The following WIPF3 variants were observed in gnomAD, a reference collection of about 807,000 sequenced individuals.
WIPF3 encodes the protein WAS/WASL interacting protein family member 3.
In WIPF3, 33 loss-of-function variants were observed where a neutral mutation model predicts 38.9. The observed-to-expected ratio is 0.85, with a 90% CI of 0.64 to 1.14. The LOEUF is 1.14. WIPF3 is among the 50% of genes most tolerant of loss of function. WIPF3 has a pLI of 0.00. For missense variants in WIPF3, 711 were observed against 652.5 expected (o/e 1.09, Z -0.98); for synonymous variants, 324 against 269.3 (o/e 1.20, Z -1.99).
intron 2 of WIPF3, among the ~76,000 whole-genome samples, chr7:29,836,187 A>G (rs1194913873): frequency 6.6e-6 from 1 of 152,234 alleles, no homozygotes; most frequent in Non-Finnish European, 1.5e-5. Context: ...AATTTGACCC[A>G]AAGTCAAATT....
rs561803737 is a variant in WIPF3, at chr7:29,867,543, GC to G, written c.91-8282del. Among the ~76,000 whole-genome samples the G allele has an allele frequency of 1.3e-4, 19 of 146,522 alleles. No individual in the cohort carries two copies. The South Asian group carries it at 4.1e-3, about 32-fold the overall frequency. On this transcript the variant is annotated intron_variant, in intron 2 of 8. Coordinates refer to ENST00000242140, the MANE Select transcript of WIPF3 (RefSeq NM_001080529.3). Reference sequence around the variant, plus strand: ...TGCCATGCCCTTGACTCCTGGCTCTGCCCCCGCCCCCTCCACACCCCAGCTT... The same window carrying G: ...TGCCATGCCCTTGACTCCTGGCTCTGCCCCGCCCCCTCCACACCCCAGCTT...
At chr7:29,896,777 T>C (rs1446966927) in intron 7 of WIPF3, among the ~76,000 whole-genome samples, 1 of 152,224 alleles carries the variant, frequency 6.6e-6, no homozygotes, top group Non-Finnish European at 1.5e-5. Context: ...GAACAAAAAC[T>C]GTCAGTAGGA....
chr7:29,863,925 G>C (rs79701375), intron 2 of WIPF3, among the ~76,000 whole-genome samples: 1,636 of 152,216 alleles, frequency 0.011, 34 homozygotes, highest in African/African-American at 0.038. Flanking sequence ...TGACTAAATT[G>C]ACTTATCAGT....
intron 2 of WIPF3, among the ~76,000 whole-genome samples, chr7:29,853,521 G>T (rs1431759095): frequency 6.6e-6 from 1 of 152,242 alleles, no homozygotes; most frequent in African/African-American, 2.4e-5. Flanking sequence ...AGGGCAGTCA[G>T]TATTAGGAGA....
intron 7 of WIPF3, among the ~76,000 whole-genome samples, chr7:29,892,491 C>T (rs531377222): frequency 5.9e-5 from 9 of 152,224 alleles, no homozygotes; most frequent in Non-Finnish European, 1.0e-4. Flanking sequence ...GTTCCAGGGC[C>T]GTCATGGACC....
intron 8 of WIPF3, among the ~76,000 whole-genome samples, chr7:29,911,264 C>G (rs758791346): frequency 5.9e-5 from 9 of 152,052 alleles, no homozygotes; most frequent in Non-Finnish European, 1.3e-4. Flanking sequence ...TTAAATAAGA[C>G]ATAAATAAAT....
intron 7 of WIPF3, among the ~76,000 whole-genome samples, chr7:29,899,644 G>T (rs1786231143): frequency 6.6e-6 from 1 of 152,166 alleles, no homozygotes; most frequent in African/African-American, 2.4e-5. Flanking sequence ...CAGTATTGGG[G>T]TTAAATAAAT....
chr7:29,910,727 TA>T (rs546386159), intron 8 of WIPF3, among the ~76,000 whole-genome samples: 14 of 151,848 alleles, frequency 9.2e-5, no homozygotes, highest in Non-Finnish European at 1.5e-4. Context: ...CTTTTCATGA[TA>T]AAAAAAATTC....
chr7:29,890,413 C>A (rs534833904), intron 7 of WIPF3, among the ~76,000 whole-genome samples: 1 of 150,456 alleles, frequency 6.6e-6, no homozygotes, highest in Non-Finnish European at 1.5e-5. Flanking sequence ...AGAGCCAATT[C>A]TTGTCTGGTA....
intron 6 of WIPF3, 24 bp from the exon 7 acceptor site, chr7:29,889,282 T>C (rs1254161860): frequency 6.3e-7 from 1 of 1,592,050 alleles, no homozygotes; most frequent in Non-Finnish European, 8.6e-7. Context: ...CCTGAGTAAC[T>C]CTTTCCATTT....
chr7:29,874,799 G>A (rs994669474), intron 2 of WIPF3, among the ~76,000 whole-genome samples: 1 of 152,170 alleles, frequency 6.6e-6, no homozygotes, highest in African/African-American at 2.4e-5. Flanking sequence ...TGAAGCAGGT[G>A]TATCTCAGGG....
At position 29,875,880 on chromosome 7, in the gene WIPF3, T is replaced by C. The variant is rs1394213824; in HGVS notation, c.141T>C (p.Ser47=). The change falls in exon 3 of 9, where the codon AGT becomes AGC. Residue 47 remains serine (S), a synonymous_variant. Transcript: ENST00000242140. ...GAAGGGCAGATCCGAAAGGCCGGAGTGCGCTGTTGGCTGATATCCAGCAAG... is the reference window on the plus strand; with the variant it reads ...GAAGGGCAGATCCGAAAGGCCGGAGCGCGCTGTTGGCTGATATCCAGCAAG... ...SLRRADPKGR[S]ALLADIQQGT... 6.2e-7 allele frequency: 1 copy of C among 1,613,962 alleles called. No individual in the cohort carries two copies. The highest frequency in any genetic ancestry group is 8.5e-7 in the Non-Finnish European group (1 of 1,179,888).
rs79136170 is a variant in WIPF3 at position 29,914,511 on chromosome 7, C to T, written c.1447C>T (p.Arg483Trp). ...RNSQLSLKTL[R>W] Reference sequence around the variant, plus strand: ...TCCACAGTTATCTCTAAAGACTCTTCGGTGAGAAGACAGATGAAGCGAAGG... The same window carrying T: ...TCCACAGTTATCTCTAAAGACTCTTTGGTGAGAAGACAGATGAAGCGAAGG... The change falls in exon 9 of 9, where the codon CGG becomes TGG. Residue 483 changes from arginine to tryptophan, a missense_variant. Arg to Trp is a moderately radical substitution (Grantham distance 101). Coordinates refer to ENST00000242140, the MANE Select transcript of WIPF3 (RefSeq NM_001080529.3). 2.8e-3 allele frequency: 4,281 copies of T among 1,519,728 alleles called. 88 individuals carry two copies. In the African/African-American group the frequency reaches 0.048, roughly 17 times the overall value. 94.1% of individuals were successfully genotyped at this position (1,519,728 alleles called of 1,614,324 possible).
intron 1 of WIPF3, among the ~76,000 whole-genome samples, chr7:29,829,362 G>A (rs1330586611): frequency 6.6e-6 from 1 of 151,930 alleles, no homozygotes; most frequent in African/African-American, 2.4e-5. Flanking sequence ...GATTACAGGA[G>A]CCTGCCACCA....
intron 4 of WIPF3, 108 bp downstream of exon 4, chr7:29,879,248 G>A: frequency 2.2e-6 from 3 of 1,347,982 alleles, no homozygotes; most frequent in Non-Finnish European, 3.1e-6. Flanking sequence ...TACTGAACGG[G>A]CATGATAGAG....
chr7:29,824,332 A>G (rs1784582800), intron 1 of WIPF3, among the ~76,000 whole-genome samples: 1 of 152,190 alleles, frequency 6.6e-6, no homozygotes, highest in Non-Finnish European at 1.5e-5. Flanking sequence ...CGAAAATGAA[A>G]AAGAAGAAGA....
At chr7:29,818,734 AATG>A (rs1274313010) in intron 1 of WIPF3, among the ~76,000 whole-genome samples, 9 of 152,158 alleles carry the variant, frequency 5.9e-5, no homozygotes, top group Non-Finnish European at 1.0e-4. Context: ...GCTGTAGGAT[AATG>A]ATAACTAGTA....
chr7:29,818,822 A>G (rs940968935), intron 1 of WIPF3, among the ~76,000 whole-genome samples: 1 of 152,074 alleles, frequency 6.6e-6, no homozygotes, highest in African/African-American at 2.4e-5. Flanking sequence ...ATTTGCCATA[A>G]TGTATTTTGA....
rs1785782035 is a variant in WIPF3, at chr7:29,884,015, C to T, written c.521C>T (p.Pro174Leu). The T allele has an allele frequency of 1.4e-6, 2 of 1,463,870 alleles. No homozygotes were observed. Among genetic ancestry groups the T allele is most frequent in the Admixed American group, 2.2e-5 (1 of 45,940 alleles). 90.7% of individuals were successfully genotyped at this position (1,463,870 alleles called of 1,614,324 possible). A position where few individuals can be genotyped will look rare whatever the true frequency, so the allele number is the denominator to read the frequency against. The change falls in exon 5 of 9, where the codon CCG becomes CTG. Residue 174 changes from proline (P) to leucine (L), a missense_variant. Transcript: ENST00000242140. The part of the protein sequence containing the change: ...TAPPRPNVPA[P>L]PPPTPPPPPP... ...CCGCCTCGCCCCAACGTGCCTGCCC[C>T]GCCCCCTCCCACCCCACCCCCTCCG...
Sources: gnomAD v4.1 joint callset for allele counts (sites outside exome capture counted in the v4.1 genomes callset) on GRCh38, gnomAD v4.1.1 for gene constraint, MANE v1.5 for transcripts, NCBI Gene and HGNC (gene_info 2026-07-23, HGNC 2026-07-21) for gene names.